The following LRRK2 variants were observed in gnomAD, a reference collection of about 807,000 sequenced individuals.
LRRK2 encodes leucine rich repeat kinase 2.
LRRK2 carries 203 observed loss-of-function variants against 302.6 expected under a neutral mutation model. The ratio of observed to expected loss-of-function variants is 0.67; its 90% CI spans 0.60 to 0.75. The LOEUF is 0.75. LRRK2 is among the 30% of genes least tolerant of loss of function. The pLI is 0.00. For synonymous variants in LRRK2, 1,066 were observed against 1,031.9 expected (o/e 1.03, Z -0.63); for missense variants, 2,830 against 2,951.0 (o/e 0.96, Z 0.95).
At chr12:40,348,050 A>C (rs1946245743) in intron 42 of LRRK2, among the ~76,000 whole-genome samples, 1 of 152,230 alleles carries the variant, frequency 6.6e-6, no homozygotes, top group African/African-American at 2.4e-5. Context: ...GTGAGGACAT[A>C]AGGATTAAAT....
At chr12:40,276,264 G>A (rs897133578) in intron 16 of LRRK2, among the ~76,000 whole-genome samples, 2 of 151,988 alleles carry the variant, frequency 1.3e-5, no homozygotes, top group Non-Finnish European at 2.9e-5. Flanking sequence ...ACTAAATCTG[G>A]CCTGCCAACA....
At chr12:40,340,169 G>T in intron 40 of LRRK2, 125 bp from the exon 41 acceptor site, 1 of 902,070 alleles carries the variant, frequency 1.1e-6, no homozygotes, top group Non-Finnish European at 1.7e-6. Flanking sequence ...TTAACTTTAA[G>T]GGACAAAGTG....
chr12:40,294,826 A>C lies in LRRK2; in HGVS notation c.2809-19A>C. 2.9e-6 allele frequency: 4 copies of C among 1,356,016 alleles called. No homozygotes were observed. Among genetic ancestry groups the C allele is most frequent in the Non-Finnish European group, 4.2e-6 (4 of 955,950 alleles). The allele number at this position is 1,356,016 out of a possible 1,614,324, so 84.0% of individuals were successfully genotyped here. ...TCCAATAAATGACAGCAATTTTATT[A>C]TAAATTATTTTTTAATAGGGGCCCA... On this transcript the variant is annotated intron_variant, in intron 21 of 50. Transcript: ENST00000298910.
chr12:40,355,856 A>G (rs536282851), intron 45 of LRRK2, among the ~76,000 whole-genome samples: 3 of 152,240 alleles, frequency 2.0e-5, no homozygotes, highest in Non-Finnish European at 4.4e-5. Flanking sequence ...TGTCTTGATA[A>G]TTACATTTCA....
chr12:40,244,388 A>G (rs1392920924), intron 7 of LRRK2, among the ~76,000 whole-genome samples: 2 of 151,918 alleles, frequency 1.3e-5, no homozygotes, highest in African/African-American at 4.8e-5. Flanking sequence ...GAAATACCAC[A>G]ATTTATTTTT....
At chr12:40,331,748 T>C (rs1945718248) in intron 39 of LRRK2, among the ~76,000 whole-genome samples, 1 of 152,188 alleles carries the variant, frequency 6.6e-6, no homozygotes, top group Admixed American at 6.5e-5. Flanking sequence ...TCTTCATAGA[T>C]CAATAACTTG....
At chr12:40,296,627 G>A (rs957355082) in intron 23 of LRRK2, among the ~76,000 whole-genome samples, 3 of 150,176 alleles carry the variant, frequency 2.0e-5, no homozygotes, top group East Asian at 2.0e-4. Flanking sequence ...GTGAGACCCT[G>A]TCTCAAAAAA....
At chr12:40,278,661 C>T (rs1160385463) in intron 18 of LRRK2, among the ~76,000 whole-genome samples, 1 of 152,188 alleles carries the variant, frequency 6.6e-6, no homozygotes, top group Non-Finnish European at 1.5e-5. Context: ...GGCTACCACA[C>T]ATGGCTATGC....
intron 38 of LRRK2, among the ~76,000 whole-genome samples, chr12:40,325,058 T>G (rs1945503238): frequency 6.6e-6 from 1 of 152,042 alleles, no homozygotes; most frequent in South Asian, 2.1e-4. Context: ...GAGGCCGAGG[T>G]GGGTGTATCA....
intron 2 of LRRK2, 105 bp downstream of exon 2, chr12:40,225,745 T>G (rs1356819004): frequency 7.1e-6 from 7 of 983,388 alleles, no homozygotes; most frequent in African/African-American, 1.6e-5. Flanking sequence ...TTCCCAAAAT[T>G]TGGCTTGAGG....
intron 20 of LRRK2, among the ~76,000 whole-genome samples, chr12:40,292,460 AAAT>A (rs1944197056): frequency 6.6e-6 from 1 of 152,064 alleles, no homozygotes; most frequent in South Asian, 2.1e-4. Flanking sequence ...CTGCTTGTAC[AAAT>A]AATGTGCTAA....
chr12:40,326,465 CAAAAAAAAAAAG>C (rs1376046761), intron 38 of LRRK2, among the ~76,000 whole-genome samples: 206 of 60,712 alleles, frequency 3.4e-3, no homozygotes, highest in South Asian at 8.6e-3. Context: ...GACTCTGTCT[CAAAAAAAAAAAG>C]AAAAAAAAAA....
At chr12:40,237,393 G>C (rs1941514906) in intron 4 of LRRK2, among the ~76,000 whole-genome samples, 2 of 152,178 alleles carry the variant, frequency 1.3e-5, no homozygotes, top group South Asian at 4.1e-4. Context: ...AGATGAGAAT[G>C]CAAAACACAA....
chr12:40,348,456 T>A lies in LRRK2; in HGVS notation c.6328T>A (p.Leu2110Ile). 1 of 1,613,008 alleles carries A rather than the reference T, an allele frequency of 6.2e-7. No homozygotes were observed. The highest frequency in any genetic ancestry group is 8.5e-7 in the Non-Finnish European group (1 of 1,179,226). ...GCAPWPMVEK[L>I]IKQCLKENPQ... ...TGCCCCATGGCCTATGGTTGAGAAA[T>A]TAATTAAACAGTGTTTGAAAGAAAA... The change falls in exon 43 of 51, where the codon TTA becomes ATA. Residue 2110 changes from leucine to isoleucine, a missense_variant. Transcript: ENST00000298910.
chr12:40,362,350 C>G (rs1034766193), intron 47 of LRRK2, among the ~76,000 whole-genome samples: 2 of 151,980 alleles, frequency 1.3e-5, no homozygotes, highest in African/African-American at 4.8e-5. Flanking sequence ...TGTTATCTAT[C>G]TGATTTAAAT....
At position 40,367,666 on chromosome 12, in the gene LRRK2, T is replaced by C. The variant is rs773354491; in HGVS notation, c.7485T>C (p.Val2495=). ...KQKEIQSCLT[V]WDINLPHEVQ... ...TAGAGATACAATCTTGCTTGACCGT[T>C]TGGGACATCAATCTTCCACATGAAG... The change falls in exon 51 of 51, where the codon GTT becomes GTC. Residue 2495 remains valine, a synonymous_variant. Transcript: ENST00000298910. The C allele has an allele frequency of 1.2e-6, 2 of 1,604,514 alleles. No individual in the cohort carries two copies. The highest frequency in any genetic ancestry group is 2.2e-5 in the South Asian group (2 of 89,968).
intron 47 of LRRK2, 54 bp from the exon 48 acceptor site, chr12:40,363,348 A>G (rs937418937): frequency 1.3e-5 from 20 of 1,571,916 alleles, no homozygotes; most frequent in Non-Finnish European, 1.7e-5. Flanking sequence ...TTACACGTAG[A>G]AATTTTAAGA....
Position 40,257,222 on chromosome 12 carries a change from A to G in LRRK2, c.1289-26A>G, listed in dbSNP as rs201632966. On this transcript the variant is annotated intron_variant, in intron 11 of 50. Coordinates refer to ENST00000298910, the MANE Select transcript of LRRK2 (RefSeq NM_198578.4). Reference sequence around the variant, plus strand: ...ATTATGAAAATATGCTTTCATATCTATAAGTAACATTTTAAAAAATCTCAG... The same window carrying G: ...ATTATGAAAATATGCTTTCATATCTGTAAGTAACATTTTAAAAAATCTCAG... The G allele has an allele frequency of 2.7e-4, 394 of 1,459,810 alleles. 6 individuals are homozygous for G. The South Asian group carries it at 4.4e-3, about 16-fold the overall frequency. 90.4% of individuals were successfully genotyped at this position (1,459,810 alleles called of 1,614,324 possible). A position where few individuals can be genotyped will look rare whatever the true frequency, so the allele number is the denominator to read the frequency against.
rs41286472 is a variant in LRRK2 at position 40,225,079 on chromosome 12, T to A, written c.-53T>A. On this transcript the variant is annotated 5_prime_UTR_variant, in exon 1 of 51. Transcript: ENST00000298910. ...GTGGCCGGCGCCCCTGCCGGTTCCC[T>A]GAGCAGCGGACGTTCATGCTGGGAG... is the stretch of plus-strand genomic sequence containing the variant. 11 of 1,609,938 alleles carry A rather than the reference T, an allele frequency of 6.8e-6. No homozygotes were observed. Among genetic ancestry groups the A allele is most frequent in the Non-Finnish European group, 9.3e-6 (11 of 1,178,902 alleles).
Sources: gnomAD v4.1 joint callset for allele counts (sites outside exome capture counted in the v4.1 genomes callset) on GRCh38, gnomAD v4.1.1 for gene constraint, MANE v1.5 for transcripts, NCBI Gene and HGNC (gene_info 2026-07-23, HGNC 2026-07-21) for gene names.